Variants in JAKMIP2 observed in about 807,000 individuals in gnomAD.
JAKMIP2 encodes janus kinase and microtubule-interacting protein 2.
Under a neutral mutation model 115.0 loss-of-function variants are expected in JAKMIP2, and 25 were observed. The observed-to-expected ratio is 0.22, with a 90% CI of 0.16 to 0.30. JAKMIP2 has a LOEUF of 0.30. JAKMIP2 is among the 10% of genes least tolerant of loss of function. The pLI is 1.00. For synonymous variants in JAKMIP2, 334 were observed against 343.6 expected (o/e 0.97, Z 0.31); for missense variants, 642 against 957.6 (o/e 0.67, Z 4.35).
At position 147,618,043 on chromosome 5, in the gene JAKMIP2, T is replaced by C. The variant is rs760115349; in HGVS notation, c.2214A>G (p.Leu738=). The C allele has an allele frequency of 6.8e-6, 11 of 1,614,072 alleles. No individual in the cohort carries two copies. The highest frequency in any genetic ancestry group is 8.5e-6 in the Non-Finnish European group (10 of 1,180,002). ...QQETVIKFGE[L]LSEKQQEELR... Reference sequence around the variant, plus strand: ...GCTCCTCTTGCTGTTTTTCACTTAATAATTCACCAAACTTGATAACAGTTT... The same window carrying C: ...GCTCCTCTTGCTGTTTTTCACTTAACAATTCACCAAACTTGATAACAGTTT... Residue 738 remains leucine, a synonymous_variant, in exon 19 of 22, where the codon TTA becomes TTG. Coordinates refer to ENST00000616793, the MANE Select transcript of JAKMIP2 (RefSeq NM_001270941.2).
chr5:147,627,452 T>C (rs774580348), intron 16 of JAKMIP2, among the ~76,000 whole-genome samples: 6 of 151,626 alleles, frequency 4.0e-5, no homozygotes, highest in Non-Finnish European at 5.9e-5. Flanking sequence ...ACTAGAGAAA[T>C]AGGTAGATAA....
intron 1 of JAKMIP2, among the ~76,000 whole-genome samples, chr5:147,770,623 T>C (rs1359404721): frequency 1.3e-5 from 2 of 152,146 alleles, no homozygotes; most frequent in East Asian, 3.9e-4. Context: ...TTCTGAAATA[T>C]GTACTGCCCA....
At chr5:147,728,361 C>A (rs1181717677) in intron 1 of JAKMIP2, among the ~76,000 whole-genome samples, 3 of 152,070 alleles carry the variant, frequency 2.0e-5, no homozygotes, top group African/African-American at 7.2e-5. Context: ...ATGGTAAAAT[C>A]TTTGCATTGT....
At chr5:147,742,979 C>A (rs1311712161) in intron 1 of JAKMIP2, among the ~76,000 whole-genome samples, 1 of 152,166 alleles carries the variant, frequency 6.6e-6, no homozygotes, top group Non-Finnish European at 1.5e-5. Context: ...CCTTAGAATT[C>A]CATACATTTT....
chr5:147,721,939 C>T (rs1234795640), intron 1 of JAKMIP2, among the ~76,000 whole-genome samples: 2 of 152,106 alleles, frequency 1.3e-5, no homozygotes, highest in African/African-American at 4.8e-5. Flanking sequence ...ACCTTCCTGG[C>T]GATTTCCCAT....
chr5:147,621,944 T>C (rs1158440649), intron 17 of JAKMIP2, among the ~76,000 whole-genome samples: 3 of 152,202 alleles, frequency 2.0e-5, no homozygotes, highest in African/African-American at 4.8e-5. Context: ...CTCGGCTCAC[T>C]GCAAACTCCG....
chr5:147,595,954 A>T (rs1755364803), intron 21 of JAKMIP2, among the ~76,000 whole-genome samples: 1 of 152,188 alleles, frequency 6.6e-6, no homozygotes. Context: ...AAGGAAGTCA[A>T]GAAAGATGCC....
intron 1 of JAKMIP2, among the ~76,000 whole-genome samples, chr5:147,769,947 A>G (rs1045720155): frequency 1.3e-5 from 2 of 152,128 alleles, no homozygotes; most frequent in African/African-American, 4.8e-5. Flanking sequence ...TGTAAAATGC[A>G]TTTTAGTAAA....
intron 1 of JAKMIP2, among the ~76,000 whole-genome samples, chr5:147,761,447 C>T (rs547016352): frequency 6.6e-6 from 1 of 152,242 alleles, no homozygotes; most frequent in South Asian, 2.1e-4. Flanking sequence ...CACAGCCATA[C>T]AGCAAGTCAG....
intron 1 of JAKMIP2, among the ~76,000 whole-genome samples, chr5:147,716,013 G>C (rs1444488483): frequency 1.8e-5 from 2 of 110,962 alleles, no homozygotes; most frequent in African/African-American, 3.7e-5. Flanking sequence ...CCCCACAACA[G>C]TCCCCAGAGT....
chr5:147,620,795 C>T (rs368838064), intron 17 of JAKMIP2, 52 bp from the exon 18 acceptor site: 36 of 1,256,670 alleles, frequency 2.9e-5, no homozygotes, highest in Middle Eastern at 1.9e-4. Flanking sequence ...TAGAAAGTGA[C>T]GTACAAATGG....
intron 1 of JAKMIP2, among the ~76,000 whole-genome samples, chr5:147,763,361 C>T (rs150629974): frequency 1.1e-4 from 16 of 152,202 alleles, no homozygotes; most frequent in Non-Finnish European, 1.3e-4. Flanking sequence ...AGACAGGGAA[C>T]GTTCTGGTTC....
Position 147,756,401 on chromosome 5 carries a change from A to G in JAKMIP2, c.-149+26055T>C, listed in dbSNP as rs76716974. On this transcript the variant is annotated intron_variant, in intron 1 of 21. Transcript: ENST00000616793. Reference sequence around the variant, plus strand: ...CCACCCAGCCTTAGAATTATTGCAGACGTTACCTTCTGAGCTATTCAAAAA... The same window carrying G: ...CCACCCAGCCTTAGAATTATTGCAGGCGTTACCTTCTGAGCTATTCAAAAA... Among the ~76,000 whole-genome samples the G allele has an allele frequency of 4.1e-3, 627 of 152,322 alleles. 12 individuals carry two copies. Among genetic ancestry groups the G allele is most frequent in the African/African-American group, 0.014 (595 of 41,576 alleles).
At chr5:147,666,657 G>C (rs1759312493) in intron 2 of JAKMIP2, among the ~76,000 whole-genome samples, 1 of 152,200 alleles carries the variant, frequency 6.6e-6, no homozygotes, top group South Asian at 2.1e-4. Context: ...TACATTGTGG[G>C]CCAGGAGCTG....
In JAKMIP2 at chr5:147,735,293, A is replaced by G. The variant is rs17107260; in HGVS notation, c.-149+47163T>C. 0.028 allele frequency among the ~76,000 whole-genome samples: 4,191 copies of G among 152,234 alleles called. 369 individuals carry two copies. The East Asian group carries it at 0.32, about 12-fold the overall frequency. On this transcript the variant is annotated intron_variant, in intron 1 of 21. Transcript: ENST00000616793. ...TGTCAAATGGTAAAGCGCTCTTCAAATGTTGCTTATTGTATTAGTCTGTTC... is the reference window on the plus strand; with the variant it reads ...TGTCAAATGGTAAAGCGCTCTTCAAGTGTTGCTTATTGTATTAGTCTGTTC...
chr5:147,629,972 A>C lies in JAKMIP2; in HGVS notation c.1876-226T>G, dbSNP rs116579300. On this transcript the variant is annotated intron_variant, in intron 14 of 21. Transcript: ENST00000616793. ...TAATTTTGCTAGTTGCAAAATGGAG[A>C]TAATAAATTCCTACTTCATAGGCTG... Among the ~76,000 whole-genome samples, 991 of 152,296 alleles carry C rather than the reference A, an allele frequency of 6.5e-3. 15 individuals carry two copies. Among genetic ancestry groups the C allele is most frequent in the African/African-American group, 0.023 (954 of 41,552 alleles).
intron 2 of JAKMIP2, among the ~76,000 whole-genome samples, chr5:147,662,496 C>G (rs1459934539): frequency 2.6e-5 from 4 of 152,136 alleles, no homozygotes; most frequent in Non-Finnish European, 5.9e-5. Flanking sequence ...TCTAATCTGG[C>G]TGTGAGTCTC....
At position 147,641,783 on chromosome 5, in the gene JAKMIP2, A is replaced by G; in HGVS notation, c.1225-19T>C. 12 of 1,603,064 alleles carry G rather than the reference A, an allele frequency of 7.5e-6. No homozygotes were observed. The highest frequency in any genetic ancestry group is 1.0e-5 in the Non-Finnish European group (12 of 1,170,358). On this transcript the variant is annotated intron_variant, in intron 7 of 21. Coordinates refer to ENST00000616793, the MANE Select transcript of JAKMIP2 (RefSeq NM_001270941.2). ...CTCGGTCCTGGAAAACAGATGAAAG[A>G]TTTTCAGATCCAGAATTGGTAGATG... is the stretch of plus-strand genomic sequence containing the variant.
rs141779951 is a variant in JAKMIP2, at chr5:147,596,323, G to C, written c.*21-4637C>G. Among the ~76,000 whole-genome samples the C allele has an allele frequency of 2.8e-3, 419 of 152,200 alleles. 1 individual carries two copies. The highest frequency in any genetic ancestry group is 5.1e-3 in the Non-Finnish European group (348 of 68,014). On this transcript the variant is annotated intron_variant, in intron 21 of 21. Transcript: ENST00000616793. Reference sequence around the variant, plus strand: ...CTTTCTAAAACTCACTCTAACTGCTGTGTGGAGAATGAGTTATAAGAATGT... The same window carrying C: ...CTTTCTAAAACTCACTCTAACTGCTCTGTGGAGAATGAGTTATAAGAATGT...
Sources: gnomAD v4.1 joint callset for allele counts (sites outside exome capture counted in the v4.1 genomes callset) on GRCh38, gnomAD v4.1.1 for gene constraint, MANE v1.5 for transcripts, NCBI Gene and HGNC (gene_info 2026-07-23, HGNC 2026-07-21) for gene names.